EYS: variants seen among roughly 807,000 people sequenced by gnomAD.
The protein encoded by EYS is EGF-like photoreceptor maintenance factor.
A neutral mutation model predicts 282.1 loss-of-function variants in EYS; 250 were observed. The observed-to-expected ratio is 0.89, with a 90% CI of 0.80 to 0.98. The LOEUF is 0.98. Among genes scored for constraint, EYS ranks in the 50% least tolerant of loss-of-function variants. The probability of loss-of-function intolerance (pLI) is 0.00; values close to 1 mark genes in which losing one functional copy is unlikely to be tolerated. For synonymous variants in EYS, 1,355 were observed against 1,282.9 expected, an observed-to-expected ratio of 1.06 and a Z score of -1.20; for missense variants, 4,016 against 3,709.0, an observed-to-expected ratio of 1.08 and a Z score of -2.15.
intron 29 of EYS, among the ~76,000 whole-genome samples, chr6:64,345,459 C>T (rs1771345797): frequency 6.6e-6 from 1 of 152,040 alleles, no homozygotes; most frequent in East Asian, 1.9e-4. Context: ...AAAAGGATTC[C>T]CTATTTAATA....
chr6:65,356,772 T>A (rs1764500929), intron 8 of EYS, among the ~76,000 whole-genome samples: 1 of 152,016 alleles, frequency 6.6e-6, no homozygotes, highest in South Asian at 2.1e-4. Flanking sequence ...ACAACCTGAA[T>A]GTTAAGAGCA....
intron 22 of EYS, among the ~76,000 whole-genome samples, chr6:64,667,550 A>G (rs6910952): frequency 0.59 from 89,735 of 151,490 alleles, 26,780 homozygotes; most frequent in South Asian, 0.68. Flanking sequence ...TTTTATGACT[A>G]ACATATATTG....
chr6:64,918,927 C>G (rs1252760371), intron 15 of EYS, among the ~76,000 whole-genome samples: 1 of 152,136 alleles, frequency 6.6e-6, no homozygotes, highest in Non-Finnish European at 1.5e-5. Flanking sequence ...AAGTACCATT[C>G]TAACAAATAA....
At chr6:65,309,425 T>C (rs931259542) in intron 11 of EYS, among the ~76,000 whole-genome samples, 4 of 152,156 alleles carry the variant, frequency 2.6e-5, no homozygotes, top group African/African-American at 4.8e-5. Flanking sequence ...ATGGGAAACA[T>C]GGGGCCTGAT....
At chr6:65,468,608 C>T (rs763499645) in intron 5 of EYS, among the ~76,000 whole-genome samples, 8 of 151,966 alleles carry the variant, frequency 5.3e-5, no homozygotes, top group African/African-American at 1.5e-4. Context: ...TGTATTCCAG[C>T]GTCCTTTTAA....
intron 12 of EYS, among the ~76,000 whole-genome samples, chr6:65,160,547 C>A (rs929004513): frequency 6.6e-6 from 1 of 150,716 alleles, no homozygotes. Context: ...TGTTGGCAAC[C>A]ACCCCATTGA....
At chr6:65,284,756 A>ATT (rs1562072031) in intron 12 of EYS, among the ~76,000 whole-genome samples, 4 of 152,084 alleles carry the variant, frequency 2.6e-5, no homozygotes, top group Non-Finnish European at 5.9e-5. Flanking sequence ...TTAACAGATG[A>ATT]ATGGATGGAT....
At position 63,999,142 on chromosome 6, in the gene EYS, A is replaced by G. The variant is rs1582105077; in HGVS notation, c.6767T>C (p.Ile2256Thr). The change falls in exon 34 of 43, where the codon ATT becomes ACT. Residue 2256 changes from isoleucine (I) to threonine (T), a missense_variant. Coordinates refer to ENST00000503581, the MANE Select transcript of EYS (RefSeq NM_001142800.2). ...PVGSPGVVCMIEMTADGKPPV... is the reference protein window; with the variant it reads ...PVGSPGVVCMTEMTADGKPPV... ...AGGTTTTCCATCTGCAGTCATTTCA[A>G]TCATACAAACAACTCCAGGGCTGCC... is the stretch of plus-strand genomic sequence containing the variant. The G allele has an allele frequency of 2.6e-6, 4 of 1,551,626 alleles. No individual in the cohort carries two copies. Among genetic ancestry groups the G allele is most frequent in the African/African-American group, 1.4e-5 (1 of 73,050 alleles).
chr6:65,347,677 A>C (rs1039703076), intron 9 of EYS, among the ~76,000 whole-genome samples: 1 of 151,516 alleles, frequency 6.6e-6, no homozygotes, highest in Non-Finnish European at 1.5e-5. Context: ...CACCTCAGGG[A>C]AAATAGTGTA....
At chr6:63,945,246 C>T (rs1268214451) in intron 35 of EYS, among the ~76,000 whole-genome samples, 4 of 152,092 alleles carry the variant, frequency 2.6e-5, no homozygotes, top group South Asian at 4.2e-4. Context: ...CTCCACATGG[C>T]GGCAGGAAGG....
At chr6:64,106,719 C>T (rs113477104) in intron 31 of EYS, among the ~76,000 whole-genome samples, 6,313 of 151,874 alleles carry the variant, frequency 0.042, 381 homozygotes, top group African/African-American at 0.13. Flanking sequence ...TGATGTCCGA[C>T]ATGAATTTGA....
intron 12 of EYS, among the ~76,000 whole-genome samples, chr6:65,122,800 AT>A (rs1293846832): frequency 6.6e-6 from 1 of 152,126 alleles, no homozygotes; most frequent in African/African-American, 2.4e-5. Flanking sequence ...TAAAATATCA[AT>A]TTTAGAAATA....
At chr6:65,475,734 C>T (rs957552189) in intron 5 of EYS, among the ~76,000 whole-genome samples, 7 of 144,612 alleles carry the variant, frequency 4.8e-5, no homozygotes, top group Non-Finnish European at 1.0e-4. Context: ...TTTGTACCCC[C>T]TGACAGACAG....
In EYS at chr6:65,495,226, A is replaced by G. The variant is rs1208792452; in HGVS notation, c.185T>C (p.Val62Ala). ...GCCTGAAGTATCTATTTTAGTGTTT[A>G]CACCCAAAAACCAGCAATCTCTGTA... ...DFYRDCWFLG[V>A]NTKIDTSGNQ... Residue 62 changes from valine (V) to alanine (A), a missense_variant, in exon 4 of 43, where the codon GTA (valine) becomes GCA (alanine). Transcript: ENST00000503581. The G allele has an allele frequency of 6.2e-7, 1 of 1,614,174 alleles. No individual in the cohort carries two copies.
At chr6:63,954,565 G>A (rs1765731587) in intron 35 of EYS, among the ~76,000 whole-genome samples, 1 of 152,238 alleles carries the variant, frequency 6.6e-6, no homozygotes, top group South Asian at 2.1e-4. Context: ...AAAGGAAGTG[G>A]GAGTCATTCA....
chr6:64,352,019 T>G (rs1049980065), intron 29 of EYS, among the ~76,000 whole-genome samples: 4 of 151,556 alleles, frequency 2.6e-5, no homozygotes, highest in Non-Finnish European at 4.4e-5. Context: ...ATTCACAAAC[T>G]GCCTTGTAAT....
At chr6:64,480,676 AAACGTTAT>A (rs1334133060) in intron 26 of EYS, among the ~76,000 whole-genome samples, 2 of 151,848 alleles carry the variant, frequency 1.3e-5, no homozygotes, top group Non-Finnish European at 2.9e-5. Flanking sequence ...TGATAGCAGT[AAACGTTAT>A]AAATCTCAAA....
intron 22 of EYS, among the ~76,000 whole-genome samples, chr6:64,768,006 G>A (rs756322821): frequency 2.0e-5 from 3 of 151,842 alleles, no homozygotes; most frequent in Non-Finnish European, 2.9e-5. Context: ...ACCTTATTGC[G>A]ATTTTGATTG....
intron 12 of EYS, among the ~76,000 whole-genome samples, chr6:65,086,261 A>T (rs901257853): frequency 6.6e-6 from 1 of 152,018 alleles, no homozygotes; most frequent in South Asian, 2.1e-4. Flanking sequence ...GGTTGTATTG[A>T]GCCGAGATTG....
Sources: allele counts gnomAD v4.1 joint callset (sites outside exome capture counted in the v4.1 genomes callset), GRCh38; gene constraint gnomAD v4.1.1; transcripts MANE v1.5; gene names NCBI Gene and HGNC (gene_info 2026-07-23, HGNC 2026-07-21).